MED12L: variants seen among roughly 807,000 people sequenced by gnomAD.
The protein encoded by MED12L is mediator complex subunit 12L, also known as mediator of RNA polymerase II transcription subunit 12-like protein.
MED12L carries 60 observed loss-of-function variants against 281.3 expected under a neutral mutation model. That is an observed-to-expected ratio of 0.21 (90% CI 0.17 to 0.26). The LOEUF (loss-of-function observed/expected upper bound fraction) is 0.26, where lower values mean the gene tolerates loss of function less well. MED12L is among the 10% of genes least tolerant of loss of function. The probability of loss-of-function intolerance (pLI) is 1.00; values close to 1 mark genes in which losing one functional copy is unlikely to be tolerated. For synonymous variants in MED12L, 974 were observed against 987.2 expected, an observed-to-expected ratio of 0.99 and a Z score of 0.25; for missense variants, 2,146 against 2,680.9, an observed-to-expected ratio of 0.80 and a Z score of 4.41.
intron 27 of MED12L, 41 bp downstream of exon 27, chr3:151,372,807 T>A: frequency 6.5e-7 from 1 of 1,534,008 alleles, no homozygotes; most frequent in African/African-American, 1.4e-5. Flanking sequence ...AGTACGTAAC[T>A]CTTCTTTTGG....
intron 11 of MED12L, among the ~76,000 whole-genome samples, chr3:151,173,495 A>G (rs897939821): frequency 6.6e-6 from 1 of 152,236 alleles, no homozygotes; most frequent in African/African-American, 2.4e-5. Context: ...ATTTTCACCA[A>G]CAATTTCCAA....
intron 16 of MED12L, chr3:151,338,849 T>C: frequency 2.5e-6 from 4 of 1,613,036 alleles, no homozygotes; most frequent in Non-Finnish European, 3.4e-6. Context: ...CTTGCATTTC[T>C]TGTTGGTTAC....
At chr3:151,357,144 A>G (rs1754033722) in intron 19 of MED12L, 69 bp from the exon 20 acceptor site, 2 of 1,345,042 alleles carry the variant, frequency 1.5e-6, no homozygotes, top group Non-Finnish European at 2.0e-6. Flanking sequence ...TCTATGGTTT[A>G]TAAAAATAAA....
intron 43 of MED12L, among the ~76,000 whole-genome samples, chr3:151,428,242 T>C (rs1577630859): frequency 1.3e-5 from 2 of 152,318 alleles, no homozygotes; most frequent in South Asian, 2.1e-4. Context: ...AATAGACACA[T>C]AGAATGTCTG....
At position 151,404,553 on chromosome 3, in the gene MED12L, A is replaced by G. The variant is rs547530813; in HGVS notation, c.5821-4690A>G. On this transcript the variant is annotated intron_variant, in intron 39 of 44. Coordinates refer to ENST00000687756, the MANE Select transcript of MED12L (RefSeq NM_001393769.1). ...TTCATACCATGTGGTGTTTTAGCCT[A>G]AAGCACTCAGTAACTTCCAAACTAG... Among the ~76,000 whole-genome samples the G allele has an allele frequency of 7.2e-5, 11 of 152,368 alleles. No homozygotes were observed. In the South Asian group the frequency reaches 2.3e-3, roughly 32 times the overall value.
intron 5 of MED12L, among the ~76,000 whole-genome samples, chr3:151,138,999 ACCTG>A (rs60648471): frequency 0.22 from 33,341 of 150,828 alleles, 4,073 homozygotes; most frequent in African/African-American, 0.34. Context: ...CTACCTACCT[ACCTG>A]CCTACCTACC....
rs146070871 is a variant in MED12L at position 151,360,486 on chromosome 3, G to A, written c.2838G>A (p.Val946=). 1.8e-4 allele frequency: 294 copies of A among 1,612,360 alleles called. No homozygotes were observed. The African/African-American group carries it at 3.4e-3, about 19-fold the overall frequency. ...TAQVFEGLCG[V]VKHVVNPSEC... ...TTTTTCTCCTCAGGTTGTGTGGTGTGGTCAAGCATGTCGTAAACCCCTCAG... is the reference window on the plus strand; with the variant it reads ...TTTTTCTCCTCAGGTTGTGTGGTGTAGTCAAGCATGTCGTAAACCCCTCAG... The change falls in exon 21 of 45, where the codon GTG becomes GTA. Residue 946 remains valine, a synonymous_variant. Transcript: ENST00000687756.
chr3:151,187,885 C>G (rs1317977089), intron 12 of MED12L, among the ~76,000 whole-genome samples: 2 of 152,164 alleles, frequency 1.3e-5, no homozygotes, highest in Non-Finnish European at 2.9e-5. Context: ...TAAACATGAA[C>G]TATTTAAAAA....
chr3:151,416,536 A>G (rs1031374236), intron 43 of MED12L, 114 bp downstream of exon 43: 6 of 1,109,434 alleles, frequency 5.4e-6, no homozygotes, highest in Non-Finnish European at 7.8e-6. Context: ...TACCCTAAAA[A>G]TTTTTCCTAG....
chr3:151,311,147 G>A (rs1747441644), intron 16 of MED12L, among the ~76,000 whole-genome samples: 1 of 152,172 alleles, frequency 6.6e-6, no homozygotes. Context: ...CATATAGACT[G>A]TAAACTGGAT....
In MED12L at chr3:151,363,952, C is replaced by T. The variant is rs564211567; in HGVS notation, c.2958-1027C>T. Among the ~76,000 whole-genome samples, 5 of 152,054 alleles carry T rather than the reference C, an allele frequency of 3.3e-5. No individual in the cohort carries two copies. In the South Asian group the frequency reaches 6.2e-4, roughly 19 times the overall value. ...GAGAGTCTTTGTGACTTTTCATCTT[C>T]GAGGGACTCATTCCTGGCTGCCATT... On this transcript the variant is annotated intron_variant, in intron 21 of 44. Coordinates refer to ENST00000687756, the MANE Select transcript of MED12L (RefSeq NM_001393769.1).
At chr3:151,128,718 C>T (rs1714912232) in intron 5 of MED12L, among the ~76,000 whole-genome samples, 1 of 152,222 alleles carries the variant, frequency 6.6e-6, no homozygotes, top group Non-Finnish European at 1.5e-5. Context: ...CCCTCTCTTT[C>T]TCTCTTCTCC....
intron 16 of MED12L, among the ~76,000 whole-genome samples, chr3:151,247,581 G>A (rs1468333842): frequency 1.5e-5 from 2 of 136,424 alleles, no homozygotes; most frequent in Non-Finnish European, 3.1e-5. Context: ...ATGGACACAG[G>A]AAGGGGAATA....
At position 151,338,708 on chromosome 3, in the gene MED12L, C is replaced by T. The variant is rs368849296; in HGVS notation, c.2251-11351C>T. 20 of 1,613,348 alleles carry T rather than the reference C, an allele frequency of 1.2e-5. No individual in the cohort carries two copies. In the Middle Eastern group the frequency reaches 6.6e-4, roughly 53 times the overall value. ...TCCGGATTTGAAAGAAAATCCTCAT[C>T]GCCAGGCCATTTGTGATAAGTCCAA... On this transcript the variant is annotated intron_variant, in intron 16 of 44. Transcript: ENST00000687756.
chr3:151,109,655 T>G (rs552189561), intron 2 of MED12L, among the ~76,000 whole-genome samples: 18 of 152,248 alleles, frequency 1.2e-4, no homozygotes, highest in Non-Finnish European at 2.4e-4. Flanking sequence ...GCATTGTCTC[T>G]TGGCTTAGTT....
intron 11 of MED12L, 76 bp from the exon 12 acceptor site, chr3:151,185,254 C>A: frequency 6.9e-7 from 1 of 1,457,232 alleles, no homozygotes; most frequent in Non-Finnish European, 9.4e-7. Flanking sequence ...TTAGATATTC[C>A]CTTGCTTGCT....
intron 23 of MED12L, 78 bp from the exon 24 acceptor site, chr3:151,367,568 G>C (rs1344690262): frequency 3.0e-6 from 4 of 1,332,438 alleles, no homozygotes; most frequent in Non-Finnish European, 4.1e-6. Flanking sequence ...GGTATTGCCT[G>C]CATTCTCTTA....
In MED12L at chr3:151,086,897, C is replaced by A; in HGVS notation, c.-30C>A. The A allele has an allele frequency of 6.5e-7, 1 of 1,547,182 alleles. No homozygotes were observed. Among genetic ancestry groups the A allele is most frequent in the South Asian group, 1.2e-5 (1 of 84,178 alleles). Reference sequence around the variant, plus strand: ...AGGCGGCTGCTCCAGCTCCAACTCTCATTCATTTCGCCGGTTAACATGAGA... The same window carrying A: ...AGGCGGCTGCTCCAGCTCCAACTCTAATTCATTTCGCCGGTTAACATGAGA... On this transcript the variant is annotated 5_prime_UTR_variant, in exon 2 of 45. Coordinates refer to ENST00000687756, the MANE Select transcript of MED12L (RefSeq NM_001393769.1).
intron 16 of MED12L, among the ~76,000 whole-genome samples, chr3:151,349,248 G>A (rs1003789361): frequency 1.3e-5 from 2 of 148,860 alleles, no homozygotes; most frequent in African/African-American, 2.6e-5. Context: ...TCTTTCCCAC[G>A]TGGGGAAAAA....
Sources: gnomAD v4.1 joint callset for allele counts (sites outside exome capture counted in the v4.1 genomes callset) on GRCh38, gnomAD v4.1.1 for gene constraint, MANE v1.5 for transcripts, NCBI Gene and HGNC (gene_info 2026-07-23, HGNC 2026-07-21) for gene names.